Variants in SYT14 observed in about 807,000 individuals in gnomAD.
The protein encoded by SYT14 is synaptotagmin 14.
In SYT14, 32 loss-of-function variants were observed where a neutral mutation model predicts 74.2. The observed-to-expected ratio is 0.43, with a 90% CI of 0.33 to 0.58. The LOEUF (loss-of-function observed/expected upper bound fraction) is 0.58. SYT14 is among the 20% of genes least tolerant of loss of function. SYT14 has a pLI of 0.05. For synonymous variants in SYT14, 298 were observed against 337.7 expected (o/e 0.88, Z 1.29); for missense variants, 791 against 981.8 (o/e 0.81, Z 2.60).
At chr1:210,161,921 A>T in exon 10 of SYT14, 1 of 452,192 alleles carries the variant, frequency 2.2e-6, no homozygotes, top group South Asian at 1.6e-5. Flanking sequence ...GTGAAAATAC[A>T]TTTTTTACAA....
chr1:209,972,817 A>G (rs769191734), intron 2 of SYT14, among the ~76,000 whole-genome samples: 50 of 152,274 alleles, frequency 3.3e-4, no homozygotes, highest in Middle Eastern at 6.8e-3. Context: ...AAGAATGTAT[A>G]TTCTGTGGTT....
intron 7 of SYT14, among the ~76,000 whole-genome samples, chr1:210,107,486 A>G (rs2082179729): frequency 6.6e-6 from 1 of 152,198 alleles, no homozygotes; most frequent in Admixed American, 6.5e-5. Flanking sequence ...TATCATAGCT[A>G]TAAATCTGGA....
chr1:210,059,033 A>T (rs922312301), intron 5 of SYT14, among the ~76,000 whole-genome samples: 1 of 152,148 alleles, frequency 6.6e-6, no homozygotes, highest in Non-Finnish European at 1.5e-5. Context: ...TAATGTTTTG[A>T]CAGCACTGTG....
At chr1:210,151,513 C>CTCT (rs2083162392) in intron 7 of SYT14, among the ~76,000 whole-genome samples, 1 of 131,306 alleles carries the variant, frequency 7.6e-6, no homozygotes, top group African/African-American at 2.8e-5. Flanking sequence ...TGCCCCCCCC[C>CTCT]TTTTTTTTTT....
In SYT14 at chr1:210,078,831, C is replaced by T. The variant is rs114086299; in HGVS notation, c.1313-15491C>T. ...ATGTTATCATGGCTCACTGTAGCCT[C>T]GACTTCTCAGGCTCAAGTGATTCTC... On this transcript the variant is annotated intron_variant, in intron 5 of 9. Coordinates refer to ENST00000637265, the Ensembl canonical transcript of SYT14. 6.5e-3 allele frequency among the ~76,000 whole-genome samples: 980 copies of T among 151,496 alleles called. 11 individuals carry two copies. Among genetic ancestry groups the T allele is most frequent in the African/African-American group, 0.023 (943 of 41,178 alleles).
chr1:210,006,391 A>T (rs894041397), intron 2 of SYT14, among the ~76,000 whole-genome samples: 4 of 151,966 alleles, frequency 2.6e-5, no homozygotes, highest in Non-Finnish European at 5.9e-5. Flanking sequence ...TAGAATTATG[A>T]ATAATTCTCT....
chr1:210,000,861 C>A (rs2079888021), intron 2 of SYT14, among the ~76,000 whole-genome samples: 1 of 152,054 alleles, frequency 6.6e-6, no homozygotes, highest in South Asian at 2.1e-4. Flanking sequence ...GATCCACCCA[C>A]CTCGGCCTCC....
chr1:209,960,169 G>A (rs922516818), intron 2 of SYT14, among the ~76,000 whole-genome samples: 2 of 152,060 alleles, frequency 1.3e-5, no homozygotes, highest in Admixed American at 1.3e-4. Flanking sequence ...TATGGCACAG[G>A]ACTCTCTATT....
At chr1:210,055,063 A>T (rs1036474374) in intron 5 of SYT14, among the ~76,000 whole-genome samples, 2 of 152,164 alleles carry the variant, frequency 1.3e-5, no homozygotes, top group Admixed American at 1.3e-4. Flanking sequence ...TAATGCCTTC[A>T]ATTCCTGAGC....
intron 2 of SYT14, among the ~76,000 whole-genome samples, chr1:209,977,525 A>G (rs2079390390): frequency 6.6e-6 from 1 of 152,168 alleles, no homozygotes; most frequent in South Asian, 2.1e-4. Flanking sequence ...AGAATGTTGA[A>G]TATTGGTCCC....
chr1:209,951,950 A>T (rs1364051654), intron 1 of SYT14, among the ~76,000 whole-genome samples: 1 of 152,154 alleles, frequency 6.6e-6, no homozygotes, highest in Non-Finnish European at 1.5e-5. Flanking sequence ...TAATGATAGC[A>T]CTCAGGGGAT....
intron 2 of SYT14, among the ~76,000 whole-genome samples, chr1:210,013,030 T>C (rs1005530003): frequency 3.9e-5 from 6 of 151,936 alleles, no homozygotes; most frequent in Admixed American, 3.3e-4. Flanking sequence ...TTCAAATTTT[T>C]GCAGTGCTCT....
rs1455424821 is a variant in SYT14, at chr1:209,958,006, A to G, written c.-486+5250A>G. On this transcript the variant is annotated intron_variant, in intron 2 of 9. Transcript: ENST00000637265. ...GCTGTTTTGGGGAAATCCTTCCTTA[A>G]CCCTAAGATCATAGCAATTCCGTTA... is the stretch of plus-strand genomic sequence containing the variant. Among the ~76,000 whole-genome samples the G allele has an allele frequency of 5.9e-5, 9 of 151,856 alleles. No individual in the cohort carries two copies. In the East Asian group the frequency reaches 1.7e-3, roughly 29 times the overall value.
At chr1:210,089,496 A>G (rs890988529) in intron 5 of SYT14, among the ~76,000 whole-genome samples, 5 of 152,148 alleles carry the variant, frequency 3.3e-5, no homozygotes, top group African/African-American at 9.7e-5. Context: ...ACTCCCACCA[A>G]CAGTGTAAAA....
intron 5 of SYT14, among the ~76,000 whole-genome samples, chr1:210,032,026 G>A (rs1222730800): frequency 1.3e-5 from 2 of 152,130 alleles, no homozygotes; most frequent in Non-Finnish European, 2.9e-5. Context: ...ATGCCCGGAA[G>A]TAGAACAGGA....
At chr1:210,108,849 T>C (rs1437410795) in intron 7 of SYT14, among the ~76,000 whole-genome samples, 11 of 150,800 alleles carry the variant, frequency 7.3e-5, no homozygotes, top group Admixed American at 7.3e-4. Flanking sequence ...GTGAGAGGAG[T>C]AGCTAAGCAA....
chr1:209,947,225 C>T lies in SYT14; in HGVS notation c.-533-5484C>T, dbSNP rs2078837272. ...CTCATGGATCAAGGATTAATTAAGA[C>T]TTTCAAGCTTTATTATTTAGGAAAT... On this transcript the variant is annotated intron_variant, in intron 1 of 9. Coordinates refer to ENST00000637265, the Ensembl canonical transcript of SYT14. Among the ~76,000 whole-genome samples the T allele has an allele frequency of 2.6e-5, 4 of 152,132 alleles. No homozygotes were observed. In the South Asian group the frequency reaches 8.3e-4, roughly 32 times the overall value.
At chr1:210,142,992 C>T (rs2082949775) in intron 7 of SYT14, among the ~76,000 whole-genome samples, 1 of 152,148 alleles carries the variant, frequency 6.6e-6, no homozygotes, top group African/African-American at 2.4e-5. Flanking sequence ...TCAATTACTT[C>T]CCAGGCTTAG....
chr1:210,067,156 G>A (rs761731350), intron 5 of SYT14, among the ~76,000 whole-genome samples: 9 of 151,970 alleles, frequency 5.9e-5, no homozygotes, highest in South Asian at 2.1e-4. Context: ...ATTGATCTAC[G>A]TGTCTGTCCT....
Sources: allele counts gnomAD v4.1 joint callset (sites outside exome capture counted in the v4.1 genomes callset), GRCh38; gene constraint gnomAD v4.1.1; transcripts MANE v1.5; gene names NCBI Gene and HGNC (gene_info 2026-07-23, HGNC 2026-07-21).